Variants in PPRC1 observed in about 807,000 individuals in gnomAD.
The protein encoded by PPRC1 is peroxisome proliferator-activated receptor gamma coactivator-related protein 1.
A neutral mutation model predicts 132.5 loss-of-function variants in PPRC1; 23 were observed. The ratio of observed to expected loss-of-function variants is 0.17; its 90% CI spans 0.12 to 0.25. The LOEUF is 0.25. Among genes scored for constraint, PPRC1 ranks in the 10% least tolerant of loss-of-function variants. The pLI is 1.00. For missense variants in PPRC1, 2,006 were observed against 2,089.1 expected (o/e 0.96, Z 0.78); for synonymous variants, 872 against 833.5 (o/e 1.05, Z -0.80).
chr10:102,135,934 T>G (rs2068706456), intron 1 of PPRC1, among the ~76,000 whole-genome samples: 1 of 152,094 alleles, frequency 6.6e-6, no homozygotes, highest in Admixed American at 6.6e-5. Context: ...CTGTGCTGTT[T>G]GGGAATTGAG....
rs2068905426 is a variant in PPRC1 at position 102,140,361 on chromosome 10, G to C, written c.1853G>C (p.Ser618Thr). ...GGGTTGGTTGACCTTGCTTCAACCAGCTCAGAACTGGTTGAGCCTCTCCCG... is the reference window on the plus strand; with the variant it reads ...GGGTTGGTTGACCTTGCTTCAACCACCTCAGAACTGGTTGAGCCTCTCCCG... ...DPGLVDLAST[S>T]SELVEPLPAE... The change falls in exon 5 of 14, where the codon AGC becomes ACC. Residue 618 changes from serine (S) to threonine (T), a missense_variant. This residue lies in a region of PPRC1 where 1,914 missense variants were observed against 1,917.2 expected (regional missense o/e 1.00). Transcript: ENST00000278070. 6.2e-7 allele frequency: 1 copy of C among 1,614,058 alleles called. No individual in the cohort carries two copies. The highest frequency in any genetic ancestry group is 1.3e-5 in the African/African-American group (1 of 74,920).
At chr10:102,120,236 C>T in the PPRC1 span, 1 of 983,276 alleles carries the variant, frequency 1.0e-6, no homozygotes, top group Non-Finnish European at 1.2e-6. Context: ...CCCGGCCCGG[C>T]CTCGGCCCGG....
rs1318351923 is a variant in PPRC1 at position 102,144,317 on chromosome 10, G to A, written c.3608+10G>A. 6.2e-7 allele frequency: 1 copy of A among 1,612,878 alleles called. No homozygotes were observed. The highest frequency in any genetic ancestry group is 2.2e-5 in the East Asian group (1 of 44,900). The stretch of plus-strand genomic sequence containing the variant: ...CTGTAGGAAACTCAGGGTAAGTATG[G>A]AGACATGAGCGAGTTACCCTACAGC... On this transcript the variant is annotated intron_variant, in intron 7 of 13. Transcript: ENST00000278070.
chr10:102,145,033 C>T lies in PPRC1; in HGVS notation c.3622C>T (p.Pro1208Ser). ...CCCCCCCGCCAGCGGCGTTGACATT[C>T]CCCAGGAGAAGAGGCCCCTAGACCG... is the stretch of plus-strand genomic sequence containing the variant. ...AVGNSGGVDI[P>S]QEKRPLDRLQ... Residue 1208 changes from proline to serine, a missense_variant, in exon 8 of 14, where the codon CCC becomes TCC. Pro to Ser is a moderately conservative substitution (Grantham distance 74). Transcript: ENST00000278070. 2 of 1,610,800 alleles carry T rather than the reference C, an allele frequency of 1.2e-6. No homozygotes were observed. Among genetic ancestry groups the T allele is most frequent in the Middle Eastern group, 1.7e-4 (1 of 6,044 alleles).
chr10:102,120,026 T>G, the PPRC1 span: 1 of 1,300,368 alleles, frequency 7.7e-7, no homozygotes, highest in Non-Finnish European at 1.0e-6. Flanking sequence ...AAACACGGGG[T>G]GAGGGGTCCG....
intron 1 of PPRC1, 53 bp downstream of exon 1, chr10:102,133,274 C>A (rs1334784725): frequency 1.6e-6 from 2 of 1,231,286 alleles, no homozygotes; most frequent in African/African-American, 1.5e-5. Context: ...GTGTGCCGGG[C>A]GGTGACACGT....
rs754113927 is a variant in PPRC1, at chr10:102,141,163, G to A, written c.2655G>A (p.Gly885=). The change falls in exon 5 of 14, where the codon GGG becomes GGA. Residue 885 remains glycine, a synonymous_variant. Coordinates refer to ENST00000278070, the MANE Select transcript of PPRC1 (RefSeq NM_015062.5). ...CTGCCCTGCCTTTCCCTGCAGGTGG[G>A]CTTGGCATGCCCCCCAGTCTGCCCC... is the stretch of plus-strand genomic sequence containing the variant. ...MSAALPFPAG[G]LGMPPSLPPP... The A allele has an allele frequency of 1.2e-5, 20 of 1,613,980 alleles. No homozygotes were observed. The highest frequency in any genetic ancestry group is 1.7e-5 in the Non-Finnish European group (20 of 1,179,936).
In PPRC1 at chr10:102,138,018, G is replaced by A; in HGVS notation, c.322G>A (p.Asp108Asn). Residue 108 changes from aspartate to asparagine, a missense_variant, in exon 2 of 14, where the codon GAT becomes AAT. By Grantham distance (23) the Asp-to-Asn change is conservative. Transcript: ENST00000278070. ...TGCCTCCCTTATCTCCCTCATTGAGGATTTTGGGAGCCTTGGAGAGGTGAG... is the reference window on the plus strand; with the variant it reads ...TGCCTCCCTTATCTCCCTCATTGAGAATTTTGGGAGCCTTGGAGAGGTGAG... ...MDASLISLIEDFGSLGESRLS... is the reference protein window; with the variant it reads ...MDASLISLIENFGSLGESRLS... The A allele has an allele frequency of 6.2e-7, 1 of 1,613,898 alleles. No homozygotes were observed.
At chr10:102,121,183 AGG>A in the PPRC1 span, among the ~76,000 whole-genome samples, 1 of 151,910 alleles carries the variant, frequency 6.6e-6, no homozygotes, top group Non-Finnish European at 1.5e-5. Flanking sequence ...TGGATTACGG[AGG>A]GGCGATAGGA....
Position 102,140,656 on chromosome 10 carries a change from G to C in PPRC1, c.2148G>C (p.Leu716Phe). The C allele has an allele frequency of 1.9e-6, 3 of 1,614,030 alleles. No homozygotes were observed. Among genetic ancestry groups the C allele is most frequent in the South Asian group, 1.1e-5 (1 of 91,070 alleles). ...APQLLVESES[L>F]DPPKTIIPEV... is the part of the protein sequence containing the mutation. The stretch of plus-strand genomic sequence containing the variant: ...AGCTCCTCGTGGAGTCAGAGTCCTT[G>C]GACCCACCAAAGACCATCATCCCTG... The change falls in exon 5 of 14, where the codon TTG (leucine) becomes TTC (phenylalanine). Residue 716 changes from leucine (L) to phenylalanine (F), a missense_variant. Around this residue, in one of 2 missense-constraint regions of PPRC1, gnomAD observed 1,914 missense variants for 1,917.2 expected, o/e 1.00. Transcript: ENST00000278070.
intron 1 of PPRC1, among the ~76,000 whole-genome samples, 195 bp downstream of exon 1, chr10:102,133,416 C>T (rs909272324): frequency 3.3e-5 from 5 of 152,076 alleles, no homozygotes; most frequent in Admixed American, 1.3e-4. Context: ...ACGGCCATTC[C>T]TGGGGGACGC....
upstream of PPRC1, among the ~76,000 whole-genome samples, chr10:102,129,597 T>A (rs2815400): frequency 1.4e-3 from 208 of 152,302 alleles, 1 homozygote; most frequent in African/African-American, 4.1e-3. Flanking sequence ...TATTTTTTTT[T>A]AATTTTTATT....
Position 102,141,815 on chromosome 10 carries a change from G to A in PPRC1, c.3307G>A (p.Glu1103Lys), listed in dbSNP as rs749749561. The change falls in exon 5 of 14, where the codon GAG (glutamate) becomes AAG (lysine). Residue 1103 changes from glutamate (E) to lysine (K), a missense_variant. Physicochemically the swap from Glu to Lys is moderately conservative, Grantham distance 56 (BLOSUM62 1). Transcript: ENST00000278070. ...GCCTGCATCAGAGAGGCTAAAGCCT[G>A]AGACCCAAGAGACCAGGCCCAGGGA... ...EEPASERLKP[E>K]TQETRPREKP... 5.6e-6 allele frequency: 9 copies of A among 1,613,900 alleles called. No homozygotes were observed. Among genetic ancestry groups the A allele is most frequent in the East Asian group, 2.2e-5 (1 of 44,878 alleles).
intron 1 of PPRC1, among the ~76,000 whole-genome samples, chr10:102,133,680 C>A: frequency 6.6e-6 from 1 of 151,754 alleles, no homozygotes; most frequent in African/African-American, 2.4e-5. Context: ...GGGGCGCAGG[C>A]AGCGGGTCCA....
chr10:102,145,084 G>C lies in PPRC1; in HGVS notation c.3673G>C (p.Val1225Leu). The C allele has an allele frequency of 6.2e-7, 1 of 1,613,524 alleles. No individual in the cohort carries two copies. Among genetic ancestry groups the C allele is most frequent in the Non-Finnish European group, 8.5e-7 (1 of 1,179,426 alleles). Residue 1225 changes from valine to leucine, a missense_variant, in exon 8 of 14, where the codon GTG becomes CTG. Coordinates refer to ENST00000278070, the MANE Select transcript of PPRC1 (RefSeq NM_015062.5). ...GTTACAAGCCCCAGAACTGGCCAAC[G>C]TGGCAGGTGGGTTCAGGGTGGGGAA... is the stretch of plus-strand genomic sequence containing the variant. ...DRLQAPELAN[V>L]AGLTPPATPP... is the part of the protein sequence containing the mutation.
rs2068819168 is a variant in PPRC1 at position 102,138,777 on chromosome 10, A to G, written c.489+12A>G. 1 of 1,614,074 alleles carries G rather than the reference A, an allele frequency of 6.2e-7. No homozygotes were observed. Among genetic ancestry groups the G allele is most frequent in the Non-Finnish European group, 8.5e-7 (1 of 1,179,972 alleles). ...GGGAGGGCTCCTCTGTGAGTGTGGG[A>G]CCAGGGGAAGGGGATTAGTACAAAG... On this transcript the variant is annotated intron_variant, in intron 3 of 13. Coordinates refer to ENST00000278070, the MANE Select transcript of PPRC1 (RefSeq NM_015062.5).
chr10:102,120,346 G>A, the PPRC1 span: 61 of 984,432 alleles, frequency 6.2e-5, no homozygotes, highest in Non-Finnish European at 7.4e-5. Context: ...GTGTGCGCGC[G>A]GGTGTGAGTC....
In PPRC1 at chr10:102,148,264, C is replaced by T. The variant is rs373192656; in HGVS notation, c.4401-108C>T. 3 of 1,326,122 alleles carry T rather than the reference C, an allele frequency of 2.3e-6. No homozygotes were observed. The allele number at this position is 1,326,122 out of a possible 1,614,324, so 82.1% of individuals were successfully genotyped here. ...CTAGACCTCTTCTACTCTGCTTTGT[C>T]TTTGGTCCTGAGCTTCCTAAAAGAA... On this transcript the variant is annotated intron_variant, in intron 9 of 13. Transcript: ENST00000278070. This position sits in a 1 kb window ranked among gnomAD's most constrained non-coding sequence, Gnocchi z 4.2.
At chr10:102,130,739 C>T (rs2133567479), upstream of PPRC1, among the ~76,000 whole-genome samples, 1 of 151,094 alleles carries the variant, frequency 6.6e-6, no homozygotes, top group Admixed American at 6.6e-5. Context: ...CCATCTCACA[C>T]ACAAAAAACA....
Sources: allele counts gnomAD v4.1 joint callset (sites outside exome capture counted in the v4.1 genomes callset), GRCh38; gene constraint gnomAD v4.1.1; regional missense constraint gnomAD v4.1.1; non-coding constraint Gnocchi (gnomAD v3.1); transcripts MANE v1.5; gene names NCBI Gene and HGNC (gene_info 2026-07-23, HGNC 2026-07-21).